The following SLC16A2 variants were observed in gnomAD, a reference collection of about 807,000 sequenced individuals.
SLC16A2 encodes solute carrier family 16 member 2, also known as monocarboxylate transporter 8.
A neutral mutation model predicts 27.2 loss-of-function variants in SLC16A2; 3 were observed. The observed-to-expected ratio is 0.11, with a 90% confidence interval of 0.05 to 0.28. The LOEUF (loss-of-function observed/expected upper bound fraction) is 0.28. SLC16A2 is among the 10% of genes least tolerant of loss of function. The probability of loss-of-function intolerance (pLI) is 1.00; values close to 1 mark genes in which losing one functional copy is unlikely to be tolerated. For missense variants in SLC16A2, 295 were observed against 458.5 expected, an observed-to-expected ratio of 0.64 and a Z score of 3.26; for synonymous variants, 202 against 187.8, an observed-to-expected ratio of 1.08 and a Z score of -0.62.
At chrX:74,424,203 G>A (rs1003258019) in intron 1 of SLC16A2, among the ~76,000 whole-genome samples, 13 of 111,042 alleles carry the variant, frequency 1.2e-4, no homozygotes, top group Non-Finnish European at 1.9e-4. Flanking sequence ...AAATTATAGT[G>A]AGTATAGGTC....
At chrX:74,499,204 T>C (rs1325703360) in intron 1 of SLC16A2, among the ~76,000 whole-genome samples, 1 of 111,502 alleles carries the variant, frequency 9.0e-6, no homozygotes, top group Non-Finnish European at 1.9e-5. Flanking sequence ...CCCTCATTCT[T>C]AATATCTGAT....
chrX:74,473,533 G>T (rs1476766951), intron 1 of SLC16A2: 13 of 657,999 alleles, frequency 2.0e-5, no homozygotes, highest in Non-Finnish European at 3.2e-5. Context: ...TGCCTCAGTC[G>T]GTCATGATTT....
At chrX:74,484,533 C>T (rs190182478) in intron 1 of SLC16A2, among the ~76,000 whole-genome samples, 149 of 111,526 alleles carry the variant, frequency 1.3e-3, no homozygotes, top group African/African-American at 4.7e-3. Context: ...GACTTGAAGT[C>T]TGTGTTGATG....
chrX:74,432,510 A>T (rs1225631362), intron 1 of SLC16A2, among the ~76,000 whole-genome samples: 5 of 111,960 alleles, frequency 4.5e-5, no homozygotes, highest in Non-Finnish European at 9.4e-5. Context: ...TTTGTTGCAA[A>T]CAACAAAACA....
chrX:74,430,516 C>A (rs1216951903), intron 1 of SLC16A2, among the ~76,000 whole-genome samples: 1 of 112,045 alleles, frequency 8.9e-6, no homozygotes, highest in Non-Finnish European at 1.9e-5. Flanking sequence ...TTACTCTACC[C>A]AGATCTATAT....
At chrX:74,479,598 T>C (rs1427876602) in intron 1 of SLC16A2, among the ~76,000 whole-genome samples, 1 of 112,112 alleles carries the variant, frequency 8.9e-6, no homozygotes, top group African/African-American at 3.2e-5. Flanking sequence ...CTCTGTTTTT[T>C]CCCCATGTTT....
At chrX:74,510,371 G>A (rs1602137469) in intron 1 of SLC16A2, among the ~76,000 whole-genome samples, 2 of 110,762 alleles carry the variant, frequency 1.8e-5, no homozygotes, top group African/African-American at 6.6e-5. Context: ...TCCCAACACT[G>A]GTGTGTTTTA....
At chrX:74,432,214 TCTC>T (rs1928547035) in intron 1 of SLC16A2, among the ~76,000 whole-genome samples, 1 of 111,003 alleles carries the variant, frequency 9.0e-6, no homozygotes, top group African/African-American at 3.3e-5. Context: ...GAGCCTCTGT[TCTC>T]CTGCAGGTAA....
intron 3 of SLC16A2, 111 bp from the exon 4 acceptor site, chrX:74,525,639 T>C (rs898683226): frequency 8.8e-6 from 8 of 909,801 alleles, no homozygotes; most frequent in Admixed American, 4.5e-5. Flanking sequence ...AGGGGGTTTC[T>C]GTCCTGCTCC....
At chrX:74,527,308 T>A (rs767676547) in intron 4 of SLC16A2, among the ~76,000 whole-genome samples, 2 of 112,827 alleles carry the variant, frequency 1.8e-5, no homozygotes, top group East Asian at 5.5e-4. Context: ...CAACTAGTAG[T>A]TGAACTTCCT....
Position 74,513,255 on chromosome X carries a change from TC to T in SLC16A2, c.431-7734del, listed in dbSNP as rs781487852. On this transcript the variant is annotated intron_variant, in intron 1 of 5. Transcript: ENST00000587091. ...AGGTTCCACCTCTGATTTTTCCAAG[TC>T]TGTTTAGAAAGATAGGTCTGTACAT... 4.5e-5 allele frequency among the ~76,000 whole-genome samples: 5 copies of T among 111,998 alleles called. No individual in the cohort carries two copies. The South Asian group carries it at 1.9e-3, about 42-fold the overall frequency.
intron 1 of SLC16A2, among the ~76,000 whole-genome samples, chrX:74,445,826 G>A (rs1326529452): frequency 9.1e-6 from 1 of 109,297 alleles, no homozygotes; most frequent in Non-Finnish European, 1.9e-5. Context: ...AGTGGTTCAT[G>A]CCTCTCACTC....
intron 1 of SLC16A2, chrX:74,473,849 T>A (rs1176965785): frequency 6.0e-6 from 3 of 502,541 alleles, no homozygotes; most frequent in African/African-American, 2.3e-5. Context: ...TTGTTTAAAA[T>A]GACTCAACCA....
rs183989606 is a variant in SLC16A2, at chrX:74,507,404, A to G, written c.431-13586A>G. The stretch of plus-strand genomic sequence containing the variant: ...AAACCAAGAATGTGGAGAAAAGGGA[A>G]CACTTATACACTGTTGGTGGAAATG... On this transcript the variant is annotated intron_variant, in intron 1 of 5. Transcript: ENST00000587091. Among the ~76,000 whole-genome samples the G allele has an allele frequency of 3.4e-3, 378 of 112,281 alleles. 3 individuals carry two copies. The highest frequency in any genetic ancestry group is 0.012 in the African/African-American group (364 of 30,913).
In SLC16A2 at chrX:74,531,496, C is replaced by G. The variant is rs1411882430; in HGVS notation, c.1563C>G (p.Asp521Glu). ...GCAAGGATAAGATGTTGGCCCCTGA[C>G]CCAGACCCCAATGGGGAGCTACTGC... is the stretch of plus-strand genomic sequence containing the variant. ...DSSKDKMLAPDPDPNGELLPG... is the reference protein window; with the variant it reads ...DSSKDKMLAPEPDPNGELLPG... Residue 521 changes from aspartate (D) to glutamate (E), a missense_variant, in exon 6 of 6, where the codon GAC (aspartate) becomes GAG (glutamate). Physicochemically the swap from Asp to Glu is conservative, Grantham distance 45 (BLOSUM62 2). Around this residue, in one of 3 missense-constraint regions of SLC16A2, gnomAD observed 144 missense variants for 219.8 expected, o/e 0.66. Coordinates refer to ENST00000587091, the MANE Select transcript of SLC16A2 (RefSeq NM_006517.5). 8.3e-7 allele frequency: 1 copy of G among 1,209,564 alleles called. No homozygotes were observed. The highest frequency in any genetic ancestry group is 2.2e-5 in the Admixed American group (1 of 45,828).
chrX:74,447,683 TAA>T (rs1202306753), intron 1 of SLC16A2, among the ~76,000 whole-genome samples: 5 of 84,253 alleles, frequency 5.9e-5, no homozygotes, highest in Non-Finnish European at 2.4e-5. Context: ...TCTATGTATT[TAA>T]AAAAAAAAAA....
intron 1 of SLC16A2, among the ~76,000 whole-genome samples, chrX:74,510,492 AG>A (rs1930209991): frequency 8.9e-6 from 1 of 112,629 alleles, no homozygotes; most frequent in Non-Finnish European, 1.9e-5. Context: ...TAGGCCATTA[AG>A]TAGAGCCCAG....
chrX:74,480,430 T>C (rs1191963094), intron 1 of SLC16A2, among the ~76,000 whole-genome samples: 2 of 112,791 alleles, frequency 1.8e-5, no homozygotes, highest in African/African-American at 6.4e-5. Flanking sequence ...CTTGCACTTC[T>C]TGCATGAGGC....
chrX:74,438,170 A>T lies in SLC16A2; in HGVS notation c.430+16103A>T, dbSNP rs1377971505. ...TAAGGCACAGGATCTTATAACAGAC[A>T]GACCAGTGTTAGAGTCCTGGATTTG... On this transcript the variant is annotated intron_variant, in intron 1 of 5. Transcript: ENST00000587091. 5.3e-5 allele frequency among the ~76,000 whole-genome samples: 6 copies of T among 112,592 alleles called. No homozygotes were observed. In the East Asian group the frequency reaches 1.7e-3, roughly 32 times the overall value.
Sources: allele counts gnomAD v4.1 joint callset (sites outside exome capture counted in the v4.1 genomes callset), GRCh38; gene constraint gnomAD v4.1.1; regional missense constraint gnomAD v4.1.1; transcripts MANE v1.5; gene names NCBI Gene and HGNC (gene_info 2026-07-23, HGNC 2026-07-21).